CRAMP1: variants seen among roughly 807,000 people sequenced by gnomAD.
CRAMP1 encodes the protein cramped chromatin regulator 1.
In CRAMP1, 50 loss-of-function variants were observed where a neutral mutation model predicts 115.4. The ratio of observed to expected loss-of-function variants is 0.43; its 90% CI spans 0.35 to 0.55. CRAMP1 has a LOEUF of 0.55. Among genes scored for constraint, CRAMP1 ranks in the 20% least tolerant of loss-of-function variants. The pLI is 0.01. For missense variants in CRAMP1, 1,679 were observed against 1,721.7 expected (o/e 0.98, Z 0.44); for synonymous variants, 866 against 745.4 (o/e 1.16, Z -2.64).
At position 1,627,495 on chromosome 16, in the gene CRAMP1, A is replaced by G. The variant is rs148318751; in HGVS notation, c.540+1329A>G. 2.6e-5 allele frequency among the ~76,000 whole-genome samples: 4 copies of G among 152,278 alleles called. No individual in the cohort carries two copies. The East Asian group carries it at 7.7e-4, about 29-fold the overall frequency. On this transcript the variant is annotated intron_variant, in intron 3 of 20. Coordinates refer to ENST00000397412, the MANE Select transcript of CRAMP1 (RefSeq NM_020825.4). ...AGCAGAATGCTCAAGAAAGAAATGG[A>G]GGCTCTGGAATGAGATGTTTAGAGA...
At chr16:1,622,828 C>A (rs1030058530) in intron 2 of CRAMP1, among the ~76,000 whole-genome samples, 31 of 148,880 alleles carry the variant, frequency 2.1e-4, no homozygotes, top group Admixed American at 8.1e-4. Flanking sequence ...GTGGCTAGAT[C>A]TCAGCTCACT....
At chr16:1,655,151 C>G (rs971401746) in intron 8 of CRAMP1, 68 bp from the exon 9 acceptor site, 2 of 1,370,996 alleles carry the variant, frequency 1.5e-6, no homozygotes, top group Admixed American at 1.7e-5. Flanking sequence ...TAAGCAGCCT[C>G]GGGACTCTTC....
In CRAMP1 at chr16:1,656,924, G is replaced by A. The variant is rs775345230; in HGVS notation, c.2167G>A (p.Ala723Thr). The A allele has an allele frequency of 3.5e-5, 55 of 1,557,006 alleles. No individual in the cohort carries two copies. Among genetic ancestry groups the A allele is most frequent in the Non-Finnish European group, 4.4e-5 (51 of 1,151,024 alleles). The change falls in exon 10 of 21, where the codon GCC becomes ACC. Residue 723 changes from alanine to threonine, a missense_variant. Transcript: ENST00000397412. The surrounding 1 kb of genome is among the most constrained non-coding windows in gnomAD (Gnocchi z 5.6). ...QDPRPGSLPT[A>T]LHKQRLLSCL... ...CCCCCGCCCCGGCTCCCTACCCACCGCCCTCCACAAGCAGCGCCTCCTCAG... is the reference window on the plus strand; with the variant it reads ...CCCCCGCCCCGGCTCCCTACCCACCACCCTCCACAAGCAGCGCCTCCTCAG...
intron 6 of CRAMP1, among the ~76,000 whole-genome samples, chr16:1,652,251 C>T (rs776921157): frequency 4.6e-5 from 7 of 152,240 alleles, no homozygotes; most frequent in Non-Finnish European, 8.8e-5. Flanking sequence ...GGGCACAGCA[C>T]ATTTTCTGTA....
rs746536017 is a variant in CRAMP1 at position 1,666,402 on chromosome 16, AG to A, written c.2858-19del. 36 of 1,605,470 alleles carry A rather than the reference AG, an allele frequency of 2.2e-5. No individual in the cohort carries two copies. In the African/African-American group the frequency reaches 4.0e-4, roughly 18 times the overall value. ...GGTTGTCAGTAGAGCAGAGATGTGCAGCGTCCTTTTTGTTGCCAGGTGCTAT... is the reference window on the plus strand; with the variant it reads ...GGTTGTCAGTAGAGCAGAGATGTGCACGTCCTTTTTGTTGCCAGGTGCTAT... On this transcript the variant is annotated intron_variant, in intron 15 of 20. Transcript: ENST00000397412. This position sits in a 1 kb window ranked among gnomAD's most constrained non-coding sequence, Gnocchi z 5.0.
rs560729702 is a variant in CRAMP1 at position 1,671,528 on chromosome 16, G to A, written c.3645+719G>A. On this transcript the variant is annotated intron_variant, in intron 20 of 20. Coordinates refer to ENST00000397412, the MANE Select transcript of CRAMP1 (RefSeq NM_020825.4). The surrounding 1 kb of genome is among the most constrained non-coding windows in gnomAD (Gnocchi z 5.0). Reference sequence around the variant, plus strand: ...GAAGACAGGCCCGTTTCACTGTGACGTAAAGTGCAGAGTGGCAGGTGTGTG... The same window carrying A: ...GAAGACAGGCCCGTTTCACTGTGACATAAAGTGCAGAGTGGCAGGTGTGTG... Among the ~76,000 whole-genome samples, 38 of 152,314 alleles carry A rather than the reference G, an allele frequency of 2.5e-4. No individual in the cohort carries two copies. Among genetic ancestry groups the A allele is most frequent in the African/African-American group, 2.9e-4 (12 of 41,560 alleles).
chr16:1,627,232 G>A (rs1279555860), intron 3 of CRAMP1, among the ~76,000 whole-genome samples: 1 of 151,358 alleles, frequency 6.6e-6, no homozygotes, highest in Non-Finnish European at 1.5e-5. Context: ...TGCAACCCCC[G>A]CCTCCTTGGT....
In CRAMP1 at chr16:1,628,484, C is replaced by T. The variant is rs953877853; in HGVS notation, c.540+2318C>T. Among the ~76,000 whole-genome samples the T allele has an allele frequency of 2.4e-4, 37 of 152,188 alleles. 1 individual carries two copies. ...GGTCAGGCTGGTCTTGAACTCCTGA[C>T]CTCGGGTGATCCACCTGCCCCAGCC... On this transcript the variant is annotated intron_variant, in intron 3 of 20. Coordinates refer to ENST00000397412, the MANE Select transcript of CRAMP1 (RefSeq NM_020825.4).
Position 1,655,138 on chromosome 16 carries a change from C to G in CRAMP1, c.1038-81C>G, listed in dbSNP as rs566162022. On this transcript the variant is annotated intron_variant, in intron 8 of 20. Coordinates refer to ENST00000397412, the MANE Select transcript of CRAMP1 (RefSeq NM_020825.4). The stretch of plus-strand genomic sequence containing the variant: ...CCTTGTCTCTTTTGGCACCCTCCTG[C>G]TGTAAGCAGCCTCGGGACTCTTCAG... 3,995 of 1,259,538 alleles carry G rather than the reference C, an allele frequency of 3.2e-3. 11 individuals carry two copies. Among genetic ancestry groups the G allele is most frequent in the Admixed American group, 5.7e-3 (330 of 57,942 alleles). 78.0% of individuals were successfully genotyped at this position (1,259,538 alleles called of 1,614,324 possible).
chr16:1,628,865 C>T (rs1157158674), intron 3 of CRAMP1, among the ~76,000 whole-genome samples: 2 of 152,350 alleles, frequency 1.3e-5, no homozygotes, highest in Admixed American at 1.3e-4. Context: ...GAATTCTCTC[C>T]TGCTTCAGCT....
rs1285765256 is a variant in CRAMP1 at position 1,614,461 on chromosome 16, C to T, written c.-1-178C>T. Among the ~76,000 whole-genome samples the T allele has an allele frequency of 1.5e-5, 2 of 135,478 alleles. No individual in the cohort carries two copies. The highest frequency in any genetic ancestry group is 5.4e-5 in the African/African-American group (2 of 37,350). 88.9% of individuals were successfully genotyped at this position (135,478 alleles called of 152,430 possible). A position where few individuals can be genotyped will look rare whatever the true frequency, so the allele number is the denominator to read the frequency against. ...CCGGGCTGGTGGGCAGGGCCGGGGG[C>T]GGCGGCGTGGGGGCGGCAGGGGCCG... On this transcript the variant is annotated intron_variant, in intron 1 of 20. Transcript: ENST00000397412. The surrounding 1 kb of genome is among the most constrained non-coding windows in gnomAD (Gnocchi z 4.4).
chr16:1,614,849 C>G lies in CRAMP1; in HGVS notation c.210C>G (p.Ser70=), dbSNP rs1288079769. 9 of 1,289,884 alleles carry G rather than the reference C, an allele frequency of 7.0e-6. No homozygotes were observed. Among genetic ancestry groups the G allele is most frequent in the Non-Finnish European group, 8.8e-6 (9 of 1,022,384 alleles). The allele number at this position is 1,289,884 out of a possible 1,614,324, so 79.9% of individuals were successfully genotyped here. A position where few individuals can be genotyped will look rare whatever the true frequency, so the allele number is the denominator to read the frequency against. ...CCCCCGGCGCGCCGCAGGCGCCGTCCCCGCCGCAGGGCAGCCCCCAGGACC... is the reference window on the plus strand; with the variant it reads ...CCCCCGGCGCGCCGCAGGCGCCGTCGCCGCCGCAGGGCAGCCCCCAGGACC... ...PAPPGAPQAP[S]PPQGSPQDQH... is the part of the protein sequence containing the mutation. Residue 70 remains serine (S), a synonymous_variant, in exon 2 of 21, where the codon TCC becomes TCG. Coordinates refer to ENST00000397412, the MANE Select transcript of CRAMP1 (RefSeq NM_020825.4). The surrounding 1 kb of genome is among the most constrained non-coding windows in gnomAD (Gnocchi z 4.4).
intron 3 of CRAMP1, among the ~76,000 whole-genome samples, chr16:1,626,709 T>C (rs931541800): frequency 6.6e-6 from 1 of 152,218 alleles, no homozygotes; most frequent in Admixed American, 6.5e-5. Flanking sequence ...ACCTGCATTA[T>C]TGTTTTCTAA....
chr16:1,660,071 T>A lies in CRAMP1; in HGVS notation c.2413+8T>A. ...CTGCACCCTGCTCCTCAGGTGAGGC[T>A]GTGGCAGCCACACTCCTTGTGCCTG... On this transcript the variant is annotated splice_region_variant and intron_variant, in intron 11 of 20. Transcript: ENST00000397412. 6.5e-7 allele frequency: 1 copy of A among 1,544,074 alleles called. No individual in the cohort carries two copies.
intron 2 of CRAMP1, among the ~76,000 whole-genome samples, chr16:1,625,307 G>T (rs1396791469): frequency 6.6e-6 from 1 of 152,182 alleles, no homozygotes; most frequent in Non-Finnish European, 1.5e-5. Context: ...CCTCCTCGGG[G>T]TCGTCTTGGG....
At chr16:1,633,450 G>A (rs2036562335) in intron 4 of CRAMP1, among the ~76,000 whole-genome samples, 1 of 152,238 alleles carries the variant, frequency 6.6e-6, no homozygotes, top group African/African-American at 2.4e-5. Flanking sequence ...CCCTTGATTC[G>A]GGTCTGCCGC....
intron 2 of CRAMP1, among the ~76,000 whole-genome samples, chr16:1,619,960 G>A (rs1309891670): frequency 6.6e-6 from 1 of 152,188 alleles, no homozygotes; most frequent in African/African-American, 2.4e-5. Flanking sequence ...GAGGGGTCCC[G>A]GTTTGCTCAC....
At position 1,666,539 on chromosome 16, in the gene CRAMP1, C is replaced by G. The variant is rs745884113; in HGVS notation, c.2975C>G (p.Ala992Gly). ...SPLSSDEVTG[A>G]ISGQDSTGTH... Reference sequence around the variant, plus strand: ...CTGTCTTCAGACGAGGTGACGGGTGCCATCTCGGGGCAGGACTCTACTGGA... The same window carrying G: ...CTGTCTTCAGACGAGGTGACGGGTGGCATCTCGGGGCAGGACTCTACTGGA... Residue 992 changes from alanine to glycine, a missense_variant, in exon 16 of 21, where the codon GCC (alanine) becomes GGC (glycine). Ala to Gly is a moderately conservative substitution (Grantham distance 60, BLOSUM62 0). Transcript: ENST00000397412. The surrounding 1 kb of genome is among the most constrained non-coding windows in gnomAD (Gnocchi z 5.0). 1 of 1,613,860 alleles carries G rather than the reference C, an allele frequency of 6.2e-7. No individual in the cohort carries two copies. The highest frequency in any genetic ancestry group is 1.1e-5 in the South Asian group (1 of 91,080).
chr16:1,640,033 A>C (rs1467187916), intron 5 of CRAMP1, among the ~76,000 whole-genome samples: 1 of 152,090 alleles, frequency 6.6e-6, no homozygotes, highest in African/African-American at 2.4e-5. Context: ...GTGGCATGCC[A>C]TGCCTGGCCG....
Sources: allele counts gnomAD v4.1 joint callset (sites outside exome capture counted in the v4.1 genomes callset), GRCh38; gene constraint gnomAD v4.1.1; non-coding constraint Gnocchi (gnomAD v3.1); transcripts MANE v1.5; gene names NCBI Gene and HGNC (gene_info 2026-07-23, HGNC 2026-07-21).